PPARA: variants seen among roughly 807,000 people sequenced by gnomAD.
The protein encoded by PPARA is peroxisome proliferator-activated receptor alpha.
A neutral mutation model predicts 42.2 loss-of-function variants in PPARA; 22 were observed. The observed-to-expected ratio is 0.52, with a 90% CI of 0.37 to 0.74. PPARA has a LOEUF of 0.74. Among genes scored for constraint, PPARA ranks in the 30% least tolerant of loss-of-function variants. PPARA has a pLI of 0.00. For missense variants in PPARA, 465 were observed against 608.2 expected, an observed-to-expected ratio of 0.76 and a Z score of 2.48; for synonymous variants, 242 against 239.3, an observed-to-expected ratio of 1.01 and a Z score of -0.10.
chr22:46,191,793 C>T lies in PPARA; in HGVS notation c.-42-6549C>T, dbSNP rs1931594702. Among the ~76,000 whole-genome samples, 1 of 152,130 alleles carries T rather than the reference C, an allele frequency of 6.6e-6. No homozygotes were observed. The highest frequency in any genetic ancestry group is 2.1e-4 in the South Asian group (1 of 4,830). On this transcript the variant is annotated intron_variant, in intron 3 of 8. Coordinates refer to ENST00000407236, the MANE Select transcript of PPARA (RefSeq NM_005036.6). This position sits in a 1 kb window ranked among gnomAD's most constrained non-coding sequence, Gnocchi z 4.6. Reference sequence around the variant, plus strand: ...GTTAGAAATAGATATTGAGGCCAGGCGCGGTGGCTCATGCCTGTAATCCCA... The same window carrying T: ...GTTAGAAATAGATATTGAGGCCAGGTGCGGTGGCTCATGCCTGTAATCCCA...
Position 46,161,386 on chromosome 22 carries a change from A to T in PPARA, c.-127+9416A>T, listed in dbSNP as rs1197918495. ...GGTGAGTGGATCACGAGGTCAAGAG[A>T]TCGAGACCAGCCTGGCCAACATGGT... On this transcript the variant is annotated intron_variant, in intron 2 of 8. Transcript: ENST00000407236. The surrounding 1 kb of genome is among the most constrained non-coding windows in gnomAD (Gnocchi z 4.8). Among the ~76,000 whole-genome samples, 1 of 152,090 alleles carries T rather than the reference A, an allele frequency of 6.6e-6. No homozygotes were observed. Among genetic ancestry groups the T allele is most frequent in the Non-Finnish European group, 1.5e-5 (1 of 68,034 alleles).
intron 4 of PPARA, among the ~76,000 whole-genome samples, chr22:46,208,905 TG>T (rs1933653788): frequency 6.7e-6 from 1 of 148,848 alleles, no homozygotes; most frequent in Non-Finnish European, 1.5e-5. Flanking sequence ...TATTCGTGTG[TG>T]TGTGTGTGTG....
At chr22:46,185,941 A>G (rs1441156240) in intron 3 of PPARA, among the ~76,000 whole-genome samples, 3 of 55,024 alleles carry the variant, frequency 5.5e-5, no homozygotes, top group Non-Finnish European at 1.2e-4. Context: ...ATATATATAT[A>G]TATATATATA....
intron 2 of PPARA, among the ~76,000 whole-genome samples, chr22:46,158,551 G>T (rs1471889396): frequency 6.6e-6 from 1 of 152,198 alleles, no homozygotes; most frequent in Non-Finnish European, 1.5e-5. Context: ...TTCGTGGTCA[G>T]CTTTACATGA....
Position 46,160,725 on chromosome 22 carries a change from T to G in PPARA, c.-127+8755T>G, listed in dbSNP as rs55955305. Among the ~76,000 whole-genome samples, 1,099 of 152,306 alleles carry G rather than the reference T, an allele frequency of 7.2e-3. 12 individuals carry two copies. The highest frequency in any genetic ancestry group is 0.025 in the African/African-American group (1,029 of 41,578). On this transcript the variant is annotated intron_variant, in intron 2 of 8. Coordinates refer to ENST00000407236, the MANE Select transcript of PPARA (RefSeq NM_005036.6). This position sits in a 1 kb window ranked among gnomAD's most constrained non-coding sequence, Gnocchi z 4.5. ...AAGCAATCCTCCCTCCTCAGCCTCC[T>G]GAGCAGCTGGGACTACAGGTGCACA...
chr22:46,240,389 C>A lies in PPARA; in HGVS notation c.*5009C>A. 2.5e-6 allele frequency: 1 copy of A among 396,648 alleles called. No individual in the cohort carries two copies. The highest frequency in any genetic ancestry group is 4.4e-6 in the Non-Finnish European group (1 of 225,298). 24.6% of individuals were successfully genotyped at this position (396,648 alleles called of 1,614,324 possible). On this transcript the variant is annotated 3_prime_UTR_variant, in exon 9 of 9. Coordinates refer to ENST00000407236, the MANE Select transcript of PPARA (RefSeq NM_005036.6). This position sits in a 1 kb window ranked among gnomAD's most constrained non-coding sequence, Gnocchi z 6.0. ...GCAGCCTCCCTGTTGTTTCTAGACT[C>A]TTGCACCTGGTGAGTGCAAGGATAG...
In PPARA at chr22:46,167,571, T is replaced by A. The variant is rs2147166957; in HGVS notation, c.-126-9182T>A. Among the ~76,000 whole-genome samples, 1 of 152,292 alleles carries A rather than the reference T, an allele frequency of 6.6e-6. No homozygotes were observed. The highest frequency in any genetic ancestry group is 1.9e-4 in the East Asian group (1 of 5,190). On this transcript the variant is annotated intron_variant, in intron 2 of 8. Transcript: ENST00000407236. The surrounding 1 kb of genome is among the most constrained non-coding windows in gnomAD (Gnocchi z 4.1). ...AGTAGTCTGAGGTGGGAGGATCACC[T>A]GAGCCCAGAGAGGTCAAGGTTGCAG...
chr22:46,178,868 T>TAC (rs1265330907), intron 3 of PPARA, among the ~76,000 whole-genome samples: 2 of 152,080 alleles, frequency 1.3e-5, no homozygotes, highest in African/African-American at 4.8e-5. Context: ...ATGAGATAGA[T>TAC]CAGAATCTCG....
Position 46,200,120 on chromosome 22 carries a change from C to T in PPARA, c.208+1529C>T, listed in dbSNP as rs561976857. Among the ~76,000 whole-genome samples the T allele has an allele frequency of 1.3e-5, 2 of 152,212 alleles. No individual in the cohort carries two copies. Among genetic ancestry groups the T allele is most frequent in the African/African-American group, 4.8e-5 (2 of 41,448 alleles). On this transcript the variant is annotated intron_variant, in intron 4 of 8. Transcript: ENST00000407236. This position sits in a 1 kb window ranked among gnomAD's most constrained non-coding sequence, Gnocchi z 4.8. ...CATCTCAGCTTTAAGGACTCAGTCA[C>T]CTCCTGAGCAAGATGGAGGGAGAAC... is the stretch of plus-strand genomic sequence containing the variant.
chr22:46,221,946 G>A lies in PPARA; in HGVS notation c.711+1932G>A, dbSNP rs184616636. On this transcript the variant is annotated intron_variant, in intron 7 of 8. Transcript: ENST00000407236. The surrounding 1 kb of genome is among the most constrained non-coding windows in gnomAD (Gnocchi z 5.9). ...CAAAAAATTAGCTGGGCATGGTAGC[G>A]GTTGCCTGTAATCCCAGCTACTTGG... Among the ~76,000 whole-genome samples, 5 of 152,122 alleles carry A rather than the reference G, an allele frequency of 3.3e-5. No homozygotes were observed. Among genetic ancestry groups the A allele is most frequent in the East Asian group, 1.9e-4 (1 of 5,180 alleles).
chr22:46,198,337 C>G lies in PPARA; in HGVS notation c.-42-5C>G, dbSNP rs1448035726. Reference sequence around the variant, plus strand: ...GTCTTACCAATTGTTCCTCTTTCCTCCCAGTAGCTTGGAGCTCGGCGGCAC... The same window carrying G: ...GTCTTACCAATTGTTCCTCTTTCCTGCCAGTAGCTTGGAGCTCGGCGGCAC... On this transcript the variant is annotated splice_polypyrimidine_tract_variant and splice_region_variant and intron_variant, in intron 3 of 8. Transcript: ENST00000407236. 6.5e-7 allele frequency: 1 copy of G among 1,546,612 alleles called. No individual in the cohort carries two copies. Among genetic ancestry groups the G allele is most frequent in the African/African-American group, 1.4e-5 (1 of 73,490 alleles).
intron 2 of PPARA, among the ~76,000 whole-genome samples, chr22:46,154,144 G>GACA (rs1422162513): frequency 1.1e-4 from 16 of 152,246 alleles, no homozygotes; most frequent in African/African-American, 3.9e-4. Context: ...TGCTGAACAA[G>GACA]ACAAGCATGA....
intron 3 of PPARA, among the ~76,000 whole-genome samples, chr22:46,194,624 G>T (rs1446748505): frequency 1.3e-5 from 2 of 149,994 alleles, no homozygotes; most frequent in Non-Finnish European, 3.0e-5. Context: ...CAGACTGGAG[G>T]GCAGTGGTGC....
intron 4 of PPARA, among the ~76,000 whole-genome samples, chr22:46,214,558 C>A (rs1395324480): frequency 1.8e-5 from 1 of 54,552 alleles, no homozygotes. Context: ...TCAGGAGATG[C>A]GGGGGTCCAG....
At chr22:46,177,208 C>T (rs772866020) in intron 3 of PPARA, among the ~76,000 whole-genome samples, 2 of 149,280 alleles carry the variant, frequency 1.3e-5, no homozygotes, top group Non-Finnish European at 3.0e-5. Flanking sequence ...GAGACCCTGT[C>T]TCAAAAAATA....
At chr22:46,206,182 A>G (rs1396779178) in intron 4 of PPARA, among the ~76,000 whole-genome samples, 1 of 151,962 alleles carries the variant, frequency 6.6e-6, no homozygotes, top group Non-Finnish European at 1.5e-5. Context: ...GCTCACTGCA[A>G]CCTCTGCCTC....
chr22:46,230,870 G>A lies in PPARA; in HGVS notation c.712-922G>A, dbSNP rs956316666. 6.6e-6 allele frequency among the ~76,000 whole-genome samples: 1 copy of A among 152,192 alleles called. No individual in the cohort carries two copies. Among genetic ancestry groups the A allele is most frequent in the Admixed American group, 6.5e-5 (1 of 15,274 alleles). The stretch of plus-strand genomic sequence containing the variant: ...TATTTACATGCCAAATGTATTCATT[G>A]AGCAGCGTTAAATAATGGTGTTCAC... On this transcript the variant is annotated intron_variant, in intron 7 of 8. Transcript: ENST00000407236. This position sits in a 1 kb window ranked among gnomAD's most constrained non-coding sequence, Gnocchi z 5.0.
rs1358575347 is a variant in PPARA, at chr22:46,180,751, C to T, written c.-43+3915C>T. ...CCAGTGTACACCTTAAATAAATCCT[C>T]CTGAACCCCATCAATCGCTCCAGTT... On this transcript the variant is annotated intron_variant, in intron 3 of 8. Coordinates refer to ENST00000407236, the MANE Select transcript of PPARA (RefSeq NM_005036.6). This position sits in a 1 kb window ranked among gnomAD's most constrained non-coding sequence, Gnocchi z 4.2. Among the ~76,000 whole-genome samples the T allele has an allele frequency of 6.6e-6, 1 of 152,188 alleles. No homozygotes were observed. The highest frequency in any genetic ancestry group is 1.9e-4 in the East Asian group (1 of 5,198).
At chr22:46,229,688 GGAGA>G (rs1935736016) in intron 7 of PPARA, among the ~76,000 whole-genome samples, 1 of 152,200 alleles carries the variant, frequency 6.6e-6, no homozygotes, top group Non-Finnish European at 1.5e-5. Flanking sequence ...TTAAGGTCTT[GGAGA>G]GAGATCATTT....
Sources: gnomAD v4.1 joint callset for allele counts (sites outside exome capture counted in the v4.1 genomes callset) on GRCh38, gnomAD v4.1.1 for gene constraint, Gnocchi (gnomAD v3.1) non-coding constraint, MANE v1.5 for transcripts, NCBI Gene and HGNC (gene_info 2026-07-23, HGNC 2026-07-21) for gene names.